MACROD2: variants seen among roughly 807,000 people sequenced by gnomAD.
MACROD2 encodes mono-ADP ribosylhydrolase 2.
MACROD2 carries 36 observed loss-of-function variants against 70.4 expected under a neutral mutation model. That is an observed-to-expected ratio of 0.51 (90% confidence interval 0.39 to 0.68). The LOEUF (loss-of-function observed/expected upper bound fraction) is 0.68. Ranked by LOEUF, MACROD2 falls within the 30% of genes least tolerant of loss-of-function variation. The pLI is 0.00. For synonymous variants in MACROD2, 172 were observed against 178.8 expected, an observed-to-expected ratio of 0.96 and a Z score of 0.30; for missense variants, 496 against 538.4, an observed-to-expected ratio of 0.92 and a Z score of 0.78.
intron 4 of MACROD2, among the ~76,000 whole-genome samples, chr20:14,548,713 G>C (rs1187122302): frequency 1.1e-4 from 1 of 8,752 alleles, no homozygotes. Context: ...GTGAGACTCC[G>C]TCTCAAAAAA....
At chr20:14,336,547 A>G (rs746403069) in intron 3 of MACROD2, among the ~76,000 whole-genome samples, 6 of 152,202 alleles carry the variant, frequency 3.9e-5, no homozygotes, top group Non-Finnish European at 8.8e-5. Flanking sequence ...TTTTCCTATT[A>G]TAAGTTGCAA....
At chr20:15,975,408 C>T (rs527441869) in intron 13 of MACROD2, among the ~76,000 whole-genome samples, 1 of 151,876 alleles carries the variant, frequency 6.6e-6, no homozygotes, top group South Asian at 2.1e-4. Flanking sequence ...TAACACCCAC[C>T]CAGAGTATGG....
At chr20:15,123,191 A>G (rs2123254314) in intron 5 of MACROD2, among the ~76,000 whole-genome samples, 1 of 152,284 alleles carries the variant, frequency 6.6e-6, no homozygotes, top group East Asian at 1.9e-4. Context: ...CTTTCCTGCT[A>G]GACATGGACA....
intron 5 of MACROD2, among the ~76,000 whole-genome samples, chr20:15,145,635 C>T (rs2076224789): frequency 6.6e-6 from 1 of 151,990 alleles, no homozygotes; most frequent in Non-Finnish European, 1.5e-5. Flanking sequence ...AGAAAAGAAA[C>T]AAGTTGGGAT....
chr20:14,804,892 TGA>T (rs34257583), intron 5 of MACROD2, among the ~76,000 whole-genome samples: 10,927 of 148,182 alleles, frequency 0.074, 536 homozygotes, highest in East Asian at 0.2. Context: ...TGTGTGTGTG[TGA>T]GAGAGAGAGA....
intron 8 of MACROD2, among the ~76,000 whole-genome samples, chr20:15,838,934 G>T (rs934150067): frequency 6.6e-6 from 1 of 152,074 alleles, no homozygotes; most frequent in Non-Finnish European, 1.5e-5. Context: ...TTTGGAGGAC[G>T]GCTTTGGGTA....
intron 3 of MACROD2, among the ~76,000 whole-genome samples, chr20:14,249,435 C>T (rs1958193705): frequency 6.6e-6 from 1 of 151,584 alleles, no homozygotes; most frequent in Non-Finnish European, 1.5e-5. Flanking sequence ...GAGAAGGTGG[C>T]AGGGATGGAG....
At chr20:14,709,556 C>T (rs375788259) in intron 5 of MACROD2, among the ~76,000 whole-genome samples, 1 of 152,038 alleles carries the variant, frequency 6.6e-6, no homozygotes, top group African/African-American at 2.4e-5. Context: ...TTTCTGAACC[C>T]ATCACAAAGT....
At chr20:14,008,732 A>G (rs1056436111) in intron 2 of MACROD2, among the ~76,000 whole-genome samples, 1 of 152,168 alleles carries the variant, frequency 6.6e-6, no homozygotes, top group Non-Finnish European at 1.5e-5. Flanking sequence ...TACAAGGCCA[A>G]AGTAACCAAA....
chr20:14,690,080 G>GA (rs57641368), intron 5 of MACROD2, among the ~76,000 whole-genome samples: 141,356 of 150,804 alleles, frequency 0.94, 66,392 homozygotes, highest in East Asian at 1. Flanking sequence ...CTCCTAAGGA[G>GA]AAAAAAAAAT....
At chr20:14,694,921 G>C (rs908413592) in intron 5 of MACROD2, among the ~76,000 whole-genome samples, 1 of 152,174 alleles carries the variant, frequency 6.6e-6, no homozygotes, top group Admixed American at 6.5e-5. Flanking sequence ...TGGAGAGCTA[G>C]AGCTTAATTC....
chr20:15,861,907 ATT>A (rs1390839684), intron 8 of MACROD2, among the ~76,000 whole-genome samples: 1 of 152,132 alleles, frequency 6.6e-6, no homozygotes, highest in African/African-American at 2.4e-5. Flanking sequence ...GTGCTTTTCA[ATT>A]TTTTTATGTT....
chr20:14,337,843 C>T (rs2082966060), intron 3 of MACROD2, among the ~76,000 whole-genome samples: 1 of 152,146 alleles, frequency 6.6e-6, no homozygotes, highest in African/African-American at 2.4e-5. Flanking sequence ...GGAATCTCAA[C>T]ATTTTCTAAA....
intron 5 of MACROD2, among the ~76,000 whole-genome samples, chr20:15,223,720 A>ACAC (rs954546889): frequency 3.9e-5 from 6 of 152,178 alleles, no homozygotes; most frequent in Non-Finnish European, 8.8e-5. Context: ...GGGGCTCACC[A>ACAC]AAATAAAGCG....
At chr20:14,766,727 T>C (rs147444951) in intron 5 of MACROD2, among the ~76,000 whole-genome samples, 1,660 of 152,228 alleles carry the variant, frequency 0.011, 31 homozygotes, top group African/African-American at 0.038. Flanking sequence ...TAAATTAGTT[T>C]GTCATCTCAA....
intron 5 of MACROD2, among the ~76,000 whole-genome samples, chr20:15,015,729 G>T (rs1211981038): frequency 6.6e-6 from 1 of 152,176 alleles, no homozygotes; most frequent in South Asian, 2.1e-4. Flanking sequence ...TCACGAAACA[G>T]GTCAGCCCCT....
At chr20:15,516,271 T>C (rs1000119514) in intron 8 of MACROD2, among the ~76,000 whole-genome samples, 4 of 152,214 alleles carry the variant, frequency 2.6e-5, no homozygotes, top group Admixed American at 1.3e-4. Flanking sequence ...ATATGTAACC[T>C]GTTTCTGAAA....
At chr20:15,744,156 G>A (rs1172376113) in intron 8 of MACROD2, among the ~76,000 whole-genome samples, 3 of 152,092 alleles carry the variant, frequency 2.0e-5, no homozygotes, top group Non-Finnish European at 4.4e-5. Context: ...AAGGCTAGAT[G>A]AAATTAAATC....
At chr20:14,554,261 T>G (rs936262756) in intron 4 of MACROD2, 2 of 152,154 alleles carry the variant, frequency 1.3e-5, no homozygotes, top group African/African-American at 4.8e-5. Context: ...TGTCGTTAAA[T>G]GAGGTCAATA....
Sources: gnomAD v4.1 joint callset for allele counts (sites outside exome capture counted in the v4.1 genomes callset) on GRCh38, gnomAD v4.1.1 for gene constraint, MANE v1.5 for transcripts, NCBI Gene and HGNC (gene_info 2026-07-23, HGNC 2026-07-21) for gene names.